Variants in GPC5 observed in about 807,000 individuals in gnomAD.
The protein encoded by GPC5 is glypican-5.
A neutral mutation model predicts 53.9 loss-of-function variants in GPC5; 47 were observed. The observed-to-expected ratio is 0.87, with a 90% CI of 0.69 to 1.11. The LOEUF is 1.11. Ranked by LOEUF, GPC5 falls within the 50% of genes most tolerant of loss-of-function variation. The pLI, the probability that GPC5 is intolerant of heterozygous loss-of-function variation, is 0.00. For synonymous variants in GPC5, 286 were observed against 263.3 expected, an observed-to-expected ratio of 1.09 and a Z score of -0.84; for missense variants, 748 against 713.1, an observed-to-expected ratio of 1.05 and a Z score of -0.56.
chr13:92,398,245 C>T (rs942930738), intron 7 of GPC5, among the ~76,000 whole-genome samples: 6 of 150,914 alleles, frequency 4.0e-5, no homozygotes, highest in Admixed American at 6.6e-5. Flanking sequence ...CCGGCTAAAA[C>T]GGTGAAACCC....
At chr13:92,367,322 TA>T (rs2043614387) in intron 7 of GPC5, among the ~76,000 whole-genome samples, 1 of 152,314 alleles carries the variant, frequency 6.6e-6, no homozygotes, top group African/African-American at 2.4e-5. Flanking sequence ...TTAATTTTAA[TA>T]AGCATGATGC....
intron 2 of GPC5, among the ~76,000 whole-genome samples, chr13:91,549,571 C>G (rs1372727623): frequency 1.3e-5 from 2 of 152,084 alleles, no homozygotes; most frequent in African/African-American, 4.8e-5. Flanking sequence ...AATAAGAACA[C>G]AACAAACCTG....
intron 5 of GPC5, among the ~76,000 whole-genome samples, chr13:91,897,831 A>C (rs1275170906): frequency 2.6e-5 from 4 of 151,938 alleles, no homozygotes; most frequent in Admixed American, 2.0e-4. Flanking sequence ...GCTCCCCCAT[A>C]TTTCTATTTG....
chr13:92,610,420 G>A (rs550267038), intron 7 of GPC5, among the ~76,000 whole-genome samples: 38 of 152,108 alleles, frequency 2.5e-4, no homozygotes, highest in Middle Eastern at 3.4e-3. Flanking sequence ...AAAGAAATGC[G>A]CTCCAGTCAG....
chr13:91,812,555 C>T (rs2038329720), intron 5 of GPC5, among the ~76,000 whole-genome samples: 1 of 152,152 alleles, frequency 6.6e-6, no homozygotes, highest in Admixed American at 6.6e-5. Flanking sequence ...AAATTTAAAT[C>T]TTGTAGTGGA....
chr13:92,094,508 A>G (rs1376697705), intron 6 of GPC5, among the ~76,000 whole-genome samples: 1 of 135,948 alleles, frequency 7.4e-6, no homozygotes, highest in Non-Finnish European at 1.6e-5. Flanking sequence ...GCGAAAGAGC[A>G]AGACTCCGTC....
chr13:92,178,954 G>A (rs1256295332), intron 7 of GPC5, among the ~76,000 whole-genome samples: 1 of 152,190 alleles, frequency 6.6e-6, no homozygotes, highest in African/African-American at 2.4e-5. Context: ...CTGGGTGACA[G>A]AGCGGGACCC....
At chr13:92,841,407 G>C (rs1878425600) in intron 7 of GPC5, among the ~76,000 whole-genome samples, 1 of 152,020 alleles carries the variant, frequency 6.6e-6, no homozygotes, top group African/African-American at 2.4e-5. Flanking sequence ...AAAATGTATA[G>C]TATAGTGAAT....
chr13:92,786,698 T>C (rs1277419065), intron 7 of GPC5, among the ~76,000 whole-genome samples: 1 of 152,116 alleles, frequency 6.6e-6, no homozygotes, highest in Non-Finnish European at 1.5e-5. Context: ...AAACATCAAA[T>C]GTAGCCACGT....
At chr13:92,731,246 TG>T (rs1296326396) in intron 7 of GPC5, among the ~76,000 whole-genome samples, 1 of 151,502 alleles carries the variant, frequency 6.6e-6, no homozygotes, top group Non-Finnish European at 1.5e-5. Context: ...TTAAAAATCA[TG>T]GAAAAATACT....
intron 2 of GPC5, among the ~76,000 whole-genome samples, chr13:91,542,239 C>T (rs987605201): frequency 6.6e-6 from 1 of 152,010 alleles, no homozygotes; most frequent in African/African-American, 2.4e-5. Flanking sequence ...GATATAGTCA[C>T]AATTTCTCTC....
At chr13:92,244,582 A>G (rs1207707373) in intron 7 of GPC5, among the ~76,000 whole-genome samples, 1 of 152,120 alleles carries the variant, frequency 6.6e-6, no homozygotes, top group East Asian at 1.9e-4. Flanking sequence ...CACTTTCTTG[A>G]GTGATGTTCT....
intron 6 of GPC5, among the ~76,000 whole-genome samples, chr13:91,968,222 C>T: frequency 6.6e-6 from 1 of 151,878 alleles, no homozygotes; most frequent in South Asian, 2.1e-4. Context: ...AAATTATATT[C>T]CTCATGTATT....
intron 6 of GPC5, among the ~76,000 whole-genome samples, chr13:92,052,377 C>T (rs112900428): frequency 9.9e-5 from 15 of 152,244 alleles, no homozygotes; most frequent in African/African-American, 2.6e-4. Context: ...GAGTGAGCAG[C>T]GGCAAGATTT....
chr13:91,723,861 G>A (rs1004627048), intron 3 of GPC5, among the ~76,000 whole-genome samples: 2 of 152,124 alleles, frequency 1.3e-5, no homozygotes, highest in Non-Finnish European at 2.9e-5. Flanking sequence ...CAAATCTAAT[G>A]TATCTGGGAC....
At chr13:92,202,872 T>C (rs1406194952) in intron 7 of GPC5, among the ~76,000 whole-genome samples, 2 of 152,178 alleles carry the variant, frequency 1.3e-5, no homozygotes, top group East Asian at 1.9e-4. Context: ...AGCATTCTTC[T>C]GAAGCACATT....
chr13:92,399,692 G>A (rs1417237254), intron 7 of GPC5, among the ~76,000 whole-genome samples: 1 of 152,180 alleles, frequency 6.6e-6, no homozygotes, highest in African/African-American at 2.4e-5. Flanking sequence ...CGAGAAGCAA[G>A]TTATTACCCA....
rs189101049 is a variant in GPC5, at chr13:91,703,870, C to T, written c.1020+9989C>T. 1.2e-4 allele frequency among the ~76,000 whole-genome samples: 19 copies of T among 152,228 alleles called. No homozygotes were observed. In the East Asian group the frequency reaches 3.7e-3, roughly 29 times the overall value. ...ATTCTCTACTTCTTCATGATTCAGT[C>T]TTGGTAGTTTGTATGTTTCTAGGCA... On this transcript the variant is annotated intron_variant, in intron 3 of 7. Coordinates refer to ENST00000377067, the MANE Select transcript of GPC5 (RefSeq NM_004466.6).
intron 5 of GPC5, among the ~76,000 whole-genome samples, chr13:91,849,074 CT>C (rs1306762971): frequency 2.0e-5 from 3 of 152,134 alleles, no homozygotes; most frequent in Non-Finnish European, 4.4e-5. Context: ...TGGTCAGCCC[CT>C]TTAGCTTACC....
Sources: allele counts gnomAD v4.1 joint callset (sites outside exome capture counted in the v4.1 genomes callset), GRCh38; gene constraint gnomAD v4.1.1; transcripts MANE v1.5; gene names NCBI Gene and HGNC (gene_info 2026-07-23, HGNC 2026-07-21).